Variants in PTPRD observed in about 807,000 individuals in gnomAD.
PTPRD encodes protein tyrosine phosphatase receptor type D.
Under a neutral mutation model 214.5 loss-of-function variants are expected in PTPRD, and 34 were observed. That is an observed-to-expected ratio of 0.16 (90% CI 0.12 to 0.21). The LOEUF (loss-of-function observed/expected upper bound fraction) is 0.21. Among genes scored for constraint, PTPRD ranks in the 10% least tolerant of loss-of-function variants. PTPRD has a pLI of 1.00. For synonymous variants in PTPRD, 1,128 were observed against 845.7 expected (o/e 1.33, Z -5.79); for missense variants, 2,545 against 2,398.7 (o/e 1.06, Z -1.27).
At chr9:10,154,004 A>G (rs1166377214) in intron 3 of PTPRD, among the ~76,000 whole-genome samples, 1 of 152,064 alleles carries the variant, frequency 6.6e-6, no homozygotes, top group African/African-American at 2.4e-5. Flanking sequence ...ATACCCAGTA[A>G]AGGAGTTGCT....
chr9:9,734,646 A>C (rs1359572307), intron 6 of PTPRD, 75 bp from the exon 7 acceptor site: 1 of 152,266 alleles, frequency 6.6e-6, no homozygotes, highest in Middle Eastern at 3.4e-3. Context: ...ATAAAATGCT[A>C]TAATTCTACA....
intron 7 of PTPRD, among the ~76,000 whole-genome samples, chr9:9,717,006 C>T (rs1311046823): frequency 2.0e-5 from 3 of 152,154 alleles, no homozygotes; most frequent in African/African-American, 7.2e-5. Flanking sequence ...AGTCTTTAAT[C>T]CATCTTGAAT....
At position 8,755,347 on chromosome 9, in the gene PTPRD, T is replaced by A. The variant is rs144978723; in HGVS notation, c.-103-21401A>T. Among the ~76,000 whole-genome samples the A allele has an allele frequency of 6.1e-3, 931 of 151,850 alleles. 9 individuals are homozygous for A. The highest frequency in any genetic ancestry group is 0.023 in the Admixed American group (348 of 15,264). On this transcript the variant is annotated intron_variant, in intron 11 of 45. Transcript: ENST00000381196. ...GAGTTCGAGGCCAGCCTGGCCAACATGGTGAAACCCTGTCTCTACTAAAAA... is the reference window on the plus strand; with the variant it reads ...GAGTTCGAGGCCAGCCTGGCCAACAAGGTGAAACCCTGTCTCTACTAAAAA...
intron 5 of PTPRD, among the ~76,000 whole-genome samples, chr9:9,777,072 T>C (rs2821498): frequency 0.45 from 67,659 of 152,004 alleles, 15,556 homozygotes; most frequent in East Asian, 0.7. Context: ...TGTACAACTT[T>C]ACATTTTGAA....
chr9:9,026,007 G>C (rs76190570), intron 10 of PTPRD, among the ~76,000 whole-genome samples: 5,329 of 151,998 alleles, frequency 0.035, 94 homozygotes, highest in East Asian at 0.068. Flanking sequence ...GAAAGAAAGA[G>C]AAAGACAGTT....
At chr9:9,103,502 T>A (rs1050976877) in intron 10 of PTPRD, among the ~76,000 whole-genome samples, 5 of 152,170 alleles carry the variant, frequency 3.3e-5, no homozygotes, top group African/African-American at 1.2e-4. Context: ...GAGAATGTAT[T>A]ATTTTAAAGA....
At chr9:10,551,856 T>C (rs551684321) in intron 2 of PTPRD, among the ~76,000 whole-genome samples, 3 of 152,196 alleles carry the variant, frequency 2.0e-5, no homozygotes, top group Non-Finnish European at 4.4e-5. Flanking sequence ...GACTTTACAT[T>C]ATTCAGAATC....
At chr9:8,873,942 G>A (rs1271209288) in intron 11 of PTPRD, among the ~76,000 whole-genome samples, 1 of 152,158 alleles carries the variant, frequency 6.6e-6, no homozygotes, top group Non-Finnish European at 1.5e-5. Flanking sequence ...TGTGCACCTG[G>A]TCATTAAAAC....
chr9:9,549,796 G>GAATA (rs2079741155), intron 8 of PTPRD, among the ~76,000 whole-genome samples: 1 of 151,904 alleles, frequency 6.6e-6, no homozygotes, highest in African/African-American at 2.4e-5. Flanking sequence ...TCAAAATGAA[G>GAATA]AATAGTCTTA....
intron 4 of PTPRD, among the ~76,000 whole-genome samples, chr9:9,982,399 T>C (rs1719957971): frequency 6.6e-6 from 1 of 152,104 alleles, no homozygotes; most frequent in South Asian, 2.1e-4. Flanking sequence ...AAATTATTTG[T>C]CAGTAAGTCA....
intron 7 of PTPRD, among the ~76,000 whole-genome samples, chr9:9,679,575 C>A (rs961343188): frequency 6.6e-6 from 1 of 151,846 alleles, no homozygotes; most frequent in East Asian, 1.9e-4. Flanking sequence ...CTTTAAACAG[C>A]ATCACAGAAT....
At chr9:9,746,709 A>G (rs1355582329) in intron 6 of PTPRD, among the ~76,000 whole-genome samples, 2 of 152,196 alleles carry the variant, frequency 1.3e-5, no homozygotes, top group African/African-American at 4.8e-5. Flanking sequence ...CCAGCAGGCA[A>G]TAATATACTG....
chr9:9,877,383 C>G (rs7872403), intron 5 of PTPRD, among the ~76,000 whole-genome samples: 4,615 of 152,178 alleles, frequency 0.03, 201 homozygotes, highest in African/African-American at 0.1. Flanking sequence ...AGACTTCAAG[C>G]CACTTTTCCT....
chr9:10,592,847 C>G (rs143300427), intron 2 of PTPRD, among the ~76,000 whole-genome samples: 1 of 151,878 alleles, frequency 6.6e-6, no homozygotes, highest in Non-Finnish European at 1.5e-5. Flanking sequence ...AGGACAGAAA[C>G]GGAACATGGG....
chr9:9,738,848 G>C (rs147111535), intron 6 of PTPRD, among the ~76,000 whole-genome samples: 6 of 152,048 alleles, frequency 3.9e-5, no homozygotes, highest in African/African-American at 1.2e-4. Flanking sequence ...ATTTTGTGTT[G>C]TCTTTCACTC....
intron 11 of PTPRD, among the ~76,000 whole-genome samples, chr9:8,922,818 T>G (rs530653559): frequency 1.3e-4 from 19 of 150,984 alleles, no homozygotes; most frequent in African/African-American, 4.6e-4. Context: ...GGCTAATTTT[T>G]TTTTTTTTTT....
chr9:10,414,080 A>T (rs1338312463), intron 2 of PTPRD, among the ~76,000 whole-genome samples: 4 of 151,952 alleles, frequency 2.6e-5, no homozygotes, highest in South Asian at 2.1e-4. Flanking sequence ...AAAAGCAATA[A>T]CGATAAAAGC....
At chr9:9,393,840 G>A (rs1161820348) in intron 9 of PTPRD, among the ~76,000 whole-genome samples, 1 of 152,110 alleles carries the variant, frequency 6.6e-6, no homozygotes, top group African/African-American at 2.4e-5. Flanking sequence ...TGCTTAATAA[G>A]TGGTAGTAAT....
At chr9:8,938,920 G>C (rs942149204) in intron 11 of PTPRD, among the ~76,000 whole-genome samples, 8 of 152,034 alleles carry the variant, frequency 5.3e-5, no homozygotes, top group Non-Finnish European at 1.0e-4. Context: ...CTCAGCATTT[G>C]TCCAGCTCAG....
Sources: allele counts gnomAD v4.1 joint callset (sites outside exome capture counted in the v4.1 genomes callset), GRCh38; gene constraint gnomAD v4.1.1; transcripts MANE v1.5; gene names NCBI Gene and HGNC (gene_info 2026-07-23, HGNC 2026-07-21).